The following FHIT variants were observed in gnomAD, a reference collection of about 807,000 sequenced individuals.
FHIT encodes fragile histidine triad diadenosine triphosphatase.
FHIT carries 19 observed loss-of-function variants against 17.9 expected under a neutral mutation model. The observed-to-expected ratio is 1.06, with a 90% confidence interval of 0.74 to 1.56. The LOEUF (loss-of-function observed/expected upper bound fraction) is 1.56, where lower values mean the gene tolerates loss of function less well. Ranked by LOEUF, FHIT falls within the 40% of genes most tolerant of loss-of-function variation. The pLI, the probability that FHIT is intolerant of heterozygous loss-of-function variation, is 0.00. For synonymous variants in FHIT, 81 were observed against 69.7 expected, an observed-to-expected ratio of 1.16 and a Z score of -0.81; for missense variants, 248 against 189.2, an observed-to-expected ratio of 1.31 and a Z score of -1.82.
At chr3:60,242,252 A>C (rs969909345) in intron 5 of FHIT, among the ~76,000 whole-genome samples, 1 of 152,102 alleles carries the variant, frequency 6.6e-6, no homozygotes, top group African/African-American at 2.4e-5. Context: ...GTATATTTCA[A>C]ATAAAATTGA....
At chr3:61,205,265 A>G (rs953192449) in intron 1 of FHIT, among the ~76,000 whole-genome samples, 25 of 152,100 alleles carry the variant, frequency 1.6e-4, no homozygotes, top group Non-Finnish European at 2.9e-5. Flanking sequence ...TATTGTGAAT[A>G]GTGCCACAAT....
intron 5 of FHIT, among the ~76,000 whole-genome samples, chr3:60,094,438 GAA>G (rs11317328): frequency 6.7e-6 from 1 of 149,304 alleles, no homozygotes; most frequent in African/African-American, 2.4e-5. Context: ...GTATCACCTG[GAA>G]AAAAAAAATG....
intron 8 of FHIT, among the ~76,000 whole-genome samples, chr3:59,799,851 G>T (rs1483212600): frequency 6.6e-6 from 1 of 152,140 alleles, no homozygotes; most frequent in African/African-American, 2.4e-5. Flanking sequence ...TTGTGGGGGC[G>T]ATTTTTTAAA....
intron 8 of FHIT, among the ~76,000 whole-genome samples, chr3:59,838,522 C>T (rs1243203373): frequency 6.6e-6 from 1 of 152,140 alleles, no homozygotes; most frequent in Non-Finnish European, 1.5e-5. Context: ...GTGTCTTCTT[C>T]CCAAGGCCTT....
chr3:60,094,757 C>G (rs1703869374), intron 5 of FHIT, among the ~76,000 whole-genome samples: 1 of 150,648 alleles, frequency 6.6e-6, no homozygotes, highest in Non-Finnish European at 1.5e-5. Flanking sequence ...ACTGTGCCAC[C>G]ATTTGCAGGT....
At chr3:60,928,034 G>C (rs1553770526) in intron 3 of FHIT, among the ~76,000 whole-genome samples, 1 of 152,174 alleles carries the variant, frequency 6.6e-6, no homozygotes, top group East Asian at 1.9e-4. Context: ...TCTGAAACAT[G>C]TGCTGTGTCA....
At chr3:59,997,884 C>A (rs1699579878) in intron 7 of FHIT, among the ~76,000 whole-genome samples, 1 of 152,088 alleles carries the variant, frequency 6.6e-6, no homozygotes, top group Non-Finnish European at 1.5e-5. Context: ...CTGTGGCTAT[C>A]TTTTATTTTT....
chr3:60,584,001 T>G (rs1442836123), intron 4 of FHIT, among the ~76,000 whole-genome samples: 1 of 152,112 alleles, frequency 6.6e-6, no homozygotes, highest in Non-Finnish European at 1.5e-5. Context: ...CACAGAGGGC[T>G]GTCATTTCCC....
At chr3:60,673,635 C>T (rs2040558357) in intron 4 of FHIT, among the ~76,000 whole-genome samples, 1 of 152,064 alleles carries the variant, frequency 6.6e-6, no homozygotes, top group Admixed American at 6.6e-5. Flanking sequence ...CAAATGTTTA[C>T]ATATGTAACA....
chr3:59,939,627 T>C (rs1275397243), intron 7 of FHIT, among the ~76,000 whole-genome samples: 1 of 152,198 alleles, frequency 6.6e-6, no homozygotes, highest in Non-Finnish European at 1.5e-5. Flanking sequence ...AAAAAATGAA[T>C]GTGTCTTCTA....
At chr3:61,102,248 A>G (rs2035855973) in intron 2 of FHIT, among the ~76,000 whole-genome samples, 1 of 152,174 alleles carries the variant, frequency 6.6e-6, no homozygotes, top group Non-Finnish European at 1.5e-5. Context: ...TAGTTTATTC[A>G]GAGTTTTTAG....
chr3:60,818,573 T>C (rs1413165559), intron 4 of FHIT, among the ~76,000 whole-genome samples: 3 of 152,178 alleles, frequency 2.0e-5, no homozygotes, highest in Non-Finnish European at 4.4e-5. Flanking sequence ...TGCATATTCA[T>C]CTACAATTCC....
intron 4 of FHIT, among the ~76,000 whole-genome samples, chr3:60,694,079 A>T (rs1026428913): frequency 2.0e-5 from 3 of 152,230 alleles, no homozygotes; most frequent in Admixed American, 6.5e-5. Flanking sequence ...GACATTGGTT[A>T]GTAAAGCTGC....
intron 5 of FHIT, among the ~76,000 whole-genome samples, chr3:60,194,705 G>A (rs910205821): frequency 1.3e-5 from 2 of 152,136 alleles, no homozygotes; most frequent in African/African-American, 4.8e-5. Flanking sequence ...CTAATATCCA[G>A]AATCTGCTAG....
intron 3 of FHIT, among the ~76,000 whole-genome samples, chr3:60,955,363 G>C (rs1260463456): frequency 2.0e-5 from 3 of 151,938 alleles, no homozygotes; most frequent in Admixed American, 2.0e-4. Context: ...TGGGTTACAA[G>C]TGTTCCCAAT....
chr3:60,494,659 T>C (rs242224), intron 5 of FHIT, among the ~76,000 whole-genome samples: 22,998 of 152,160 alleles, frequency 0.15, 1,926 homozygotes, highest in Middle Eastern at 0.19. Flanking sequence ...ATACTCCTTC[T>C]ACTTACTACC....
chr3:60,960,900 C>A (rs1474054871), intron 3 of FHIT, among the ~76,000 whole-genome samples: 1 of 152,230 alleles, frequency 6.6e-6, no homozygotes, highest in Non-Finnish European at 1.5e-5. Context: ...CACACGTGTG[C>A]ATGTGTCTTT....
intron 5 of FHIT, among the ~76,000 whole-genome samples, chr3:60,112,726 T>C (rs1208418906): frequency 1.3e-5 from 2 of 152,174 alleles, no homozygotes; most frequent in Non-Finnish European, 2.9e-5. Context: ...ACTACATAAA[T>C]TCATCTAGAG....
At chr3:60,349,539 A>T (rs1158631719) in intron 5 of FHIT, among the ~76,000 whole-genome samples, 1 of 152,210 alleles carries the variant, frequency 6.6e-6, no homozygotes, top group Non-Finnish European at 1.5e-5. Flanking sequence ...TTAAATATAT[A>T]ATTGATAAGC....
Sources: gnomAD v4.1 joint callset for allele counts (sites outside exome capture counted in the v4.1 genomes callset) on GRCh38, gnomAD v4.1.1 for gene constraint, MANE v1.5 for transcripts, NCBI Gene and HGNC (gene_info 2026-07-23, HGNC 2026-07-21) for gene names.